MRC2: variants seen among roughly 807,000 people sequenced by gnomAD.
The protein encoded by MRC2 is mannose receptor C-type 2.
In MRC2, 84 loss-of-function variants were observed where a neutral mutation model predicts 206.2. The ratio of observed to expected loss-of-function variants is 0.41; its 90% CI spans 0.34 to 0.49. MRC2 has a LOEUF of 0.49. Among genes scored for constraint, MRC2 ranks in the 20% least tolerant of loss-of-function variants. The pLI is 0.31. For missense variants in MRC2, 1,676 were observed against 2,001.5 expected (o/e 0.84, Z 3.10); for synonymous variants, 798 against 800.0 (o/e 1.00, Z 0.04).
intron 18 of MRC2, 34 bp from the exon 19 acceptor site, chr17:62,681,803 G>T (rs749137051): frequency 3.9e-6 from 6 of 1,548,786 alleles, no homozygotes; most frequent in Non-Finnish European, 5.3e-6. Context: ...CTGGGGGCCG[G>T]TGCTGGAGTT....
At chr17:62,634,933 C>T (rs1361209398) in intron 1 of MRC2, among the ~76,000 whole-genome samples, 3 of 151,550 alleles carry the variant, frequency 2.0e-5, no homozygotes, top group African/African-American at 4.8e-5. Context: ...CGAGTTCAGG[C>T]GATTCTCTTG....
intron 26 of MRC2, 61 bp from the exon 27 acceptor site, chr17:62,690,581 T>TGGG: frequency 8.4e-6 from 12 of 1,436,840 alleles, no homozygotes; most frequent in Non-Finnish European, 1.1e-5. Context: ...GGAGCAGCTC[T>TGGG]GGGGGACTCT....
intron 8 of MRC2, among the ~76,000 whole-genome samples, chr17:62,673,507 C>CTT (rs55974246): frequency 5.8e-5 from 7 of 119,702 alleles, no homozygotes; most frequent in Admixed American, 8.5e-5. Flanking sequence ...GACGCCTTTC[C>CTT]TTTTTTTTTT....
At chr17:62,690,618 GA>G in intron 26 of MRC2, 23 bp from the exon 27 acceptor site, 1 of 1,582,686 alleles carries the variant, frequency 6.3e-7, no homozygotes, top group Non-Finnish European at 8.6e-7. Flanking sequence ...CATCCGCCCT[GA>G]CGTGGGCCTT....
intron 1 of MRC2, among the ~76,000 whole-genome samples, chr17:62,655,721 TAAAAAAAA>T (rs71155946): frequency 4.0e-5 from 5 of 126,170 alleles, no homozygotes; most frequent in Non-Finnish European, 6.6e-5. Context: ...TCTGTCTCTT[TAAAAAAAA>T]AAAAAAAAAG....
In MRC2 at chr17:62,680,125, C is replaced by T; in HGVS notation, c.2299-45C>T. On this transcript the variant is annotated intron_variant, in intron 14 of 29. Coordinates refer to ENST00000303375, the MANE Select transcript of MRC2 (RefSeq NM_006039.5). This position sits in a 1 kb window ranked among gnomAD's most constrained non-coding sequence, Gnocchi z 4.8. ...CTGTTCCGGGCATGGGGGCGGCCTG[C>T]ACCTTGCGCCTCACGTTCCTCTTCC... The T allele has an allele frequency of 6.2e-7, 1 of 1,612,086 alleles. No individual in the cohort carries two copies. Among genetic ancestry groups the T allele is most frequent in the Non-Finnish European group, 8.5e-7 (1 of 1,178,974 alleles).
intron 1 of MRC2, among the ~76,000 whole-genome samples, chr17:62,636,503 C>G (rs1345941853): frequency 1.6e-5 from 2 of 124,720 alleles, no homozygotes; most frequent in Non-Finnish European, 3.1e-5. Context: ...GAGTCTCGCT[C>G]TGTCGCCCAG....
chr17:62,692,133 C>T lies in MRC2; in HGVS notation c.4214C>T (p.Pro1405Leu), dbSNP rs1335991622. 5 of 1,614,108 alleles carry T rather than the reference C, an allele frequency of 3.1e-6. No individual in the cohort carries two copies. Among genetic ancestry groups the T allele is most frequent in the Non-Finnish European group, 4.2e-6 (5 of 1,180,058 alleles). Residue 1405 changes from proline to leucine, a missense_variant, in exon 29 of 30, where the codon CCA becomes CTA. This residue lies in a region of MRC2 where 1,354 missense variants were observed against 1,636.6 expected (regional missense o/e 0.83). Transcript: ENST00000303375. The surrounding 1 kb of genome is among the most constrained non-coding windows in gnomAD (Gnocchi z 4.2). Reference sequence around the variant, plus strand: ...ACAGCTGAGCAGAGCAGCTTCTCCCCATCAGGTGAGTGAAAGGCAATGCCC... The same window carrying T: ...ACAGCTGAGCAGAGCAGCTTCTCCCTATCAGGTGAGTGAAAGGCAATGCCC... ...LPRAEQSSFS[P>L]SALPENPAAL...
chr17:62,679,845 C>T lies in MRC2; in HGVS notation c.2241C>T (p.Gly747=), dbSNP rs754379795. ...ACGAGCAGCACTGGTTCTGGATCGGCCTGAACCGTCGGGATCCCAGAGGGG... is the reference window on the plus strand; with the variant it reads ...ACGAGCAGCACTGGTTCTGGATCGGTCTGAACCGTCGGGATCCCAGAGGGG... The part of the protein sequence containing the change: ...EIHEQHWFWI[G]LNRRDPRGGQ... The change falls in exon 14 of 30, where the codon GGC becomes GGT. Residue 747 remains glycine (G), a synonymous_variant. Coordinates refer to ENST00000303375, the MANE Select transcript of MRC2 (RefSeq NM_006039.5). The T allele has an allele frequency of 1.2e-6, 2 of 1,613,996 alleles. No individual in the cohort carries two copies. The highest frequency in any genetic ancestry group is 2.7e-5 in the African/African-American group (2 of 75,058).
Position 62,675,838 on chromosome 17 carries a change from G to A in MRC2, c.1618G>A (p.Val540Met). 2.5e-6 allele frequency: 4 copies of A among 1,614,178 alleles called. No homozygotes were observed. Among genetic ancestry groups the A allele is most frequent in the Non-Finnish European group, 3.4e-6 (4 of 1,180,018 alleles). Residue 540 changes from valine (V) to methionine (M), a missense_variant, in exon 10 of 30, where the codon GTG (valine) becomes ATG (methionine). Val to Met is a conservative substitution (Grantham distance 21). This residue lies in a region of MRC2 where 1,354 missense variants were observed against 1,636.6 expected (regional missense o/e 0.83). Coordinates refer to ENST00000303375, the MANE Select transcript of MRC2 (RefSeq NM_006039.5). The surrounding 1 kb of genome is among the most constrained non-coding windows in gnomAD (Gnocchi z 4.1). ...CTGCTACTGGCTGGGAGAAGACCAA[G>A]TGACCTACAGTGAGGCCCGGCGCCT... ...PSCYWLGEDQ[V>M]TYSEARRLCT...
Position 62,635,500 on chromosome 17 carries a change from G to A in MRC2, c.118+7580G>A, listed in dbSNP as rs552885704. Among the ~76,000 whole-genome samples, 7 of 152,216 alleles carry A rather than the reference G, an allele frequency of 4.6e-5. No individual in the cohort carries two copies. The South Asian group carries it at 1.5e-3, about 32-fold the overall frequency. On this transcript the variant is annotated intron_variant, in intron 1 of 29. Transcript: ENST00000303375. ...CAGACTAGGGAACACTGGGATGGTT[G>A]GGCATACCTCTCCCCTTTTTGCCTC... is the stretch of plus-strand genomic sequence containing the variant.
rs142340998 is a variant in MRC2 at position 62,664,914 on chromosome 17, G to T, written c.485G>T (p.Gly162Val). The T allele has an allele frequency of 3.8e-5, 61 of 1,611,902 alleles. No homozygotes were observed. The highest frequency in any genetic ancestry group is 4.7e-5 in the Non-Finnish European group (56 of 1,179,844). The stretch of plus-strand genomic sequence containing the variant: ...CGCAGTGGCCAGTGGCGCATCTACG[G>T]CAGCGAGGAGGACCTATGTGCTCTG... ...QTRSGQWRIYGSEEDLCALPY... is the reference protein window; with the variant it reads ...QTRSGQWRIYVSEEDLCALPY... The change falls in exon 2 of 30, where the codon GGC (glycine) becomes GTC (valine). Residue 162 changes from glycine to valine, a missense_variant. By Grantham distance (109) the Gly-to-Val change is moderately radical (BLOSUM62 -3). Coordinates refer to ENST00000303375, the MANE Select transcript of MRC2 (RefSeq NM_006039.5). This position sits in a 1 kb window ranked among gnomAD's most constrained non-coding sequence, Gnocchi z 4.7.
intron 18 of MRC2, 47 bp from the exon 19 acceptor site, chr17:62,681,790 C>A: frequency 6.7e-7 from 1 of 1,491,540 alleles, no homozygotes; most frequent in South Asian, 1.2e-5. Context: ...GGTGGAGGCC[C>A]AGCTGGGGGC....
intron 1 of MRC2, 72 bp downstream of exon 1, chr17:62,627,992 CT>C: frequency 2.2e-6 from 2 of 926,136 alleles, no homozygotes; most frequent in Non-Finnish European, 3.0e-6. Context: ...CCGCTCTCGA[CT>C]TTTCCCTCCT....
chr17:62,645,921 A>G (rs2088478332), intron 1 of MRC2, among the ~76,000 whole-genome samples: 1 of 151,406 alleles, frequency 6.6e-6, no homozygotes, highest in Non-Finnish European at 1.5e-5. Context: ...TCATCAATGT[A>G]TTTCTGCCCA....
intron 8 of MRC2, 73 bp from the exon 9 acceptor site, chr17:62,673,990 C>T: frequency 4.1e-6 from 5 of 1,216,324 alleles, no homozygotes; most frequent in South Asian, 4.0e-5. Flanking sequence ...CTCTAGGAAC[C>T]AGATTCCAAG....
intron 1 of MRC2, among the ~76,000 whole-genome samples, chr17:62,630,860 G>A (rs981573823): frequency 7.9e-5 from 12 of 152,098 alleles, no homozygotes; most frequent in African/African-American, 2.4e-4. Flanking sequence ...CTGCTGAGTC[G>A]TGGGGTTCGG....
rs1484031060 is a variant in MRC2 at position 62,672,213 on chromosome 17, C to A, written c.1461+61C>A. On this transcript the variant is annotated intron_variant, in intron 8 of 29. Transcript: ENST00000303375. The surrounding 1 kb of genome is among the most constrained non-coding windows in gnomAD (Gnocchi z 4.5). ...ATACACCCCCAACCTCCAGGTGCCA[C>A]CCCAGCTGAAGGACATCCTAGTTAC... is the stretch of plus-strand genomic sequence containing the variant. 3.1e-6 allele frequency: 5 copies of A among 1,595,158 alleles called. No homozygotes were observed. In the African/African-American group the frequency reaches 4.0e-5, roughly 13 times the overall value.
rs544382467 is a variant in MRC2, at chr17:62,690,326, C to T, written c.3892+21C>T. 66 of 1,590,212 alleles carry T rather than the reference C, an allele frequency of 4.2e-5. 1 individual carries two copies. The South Asian group carries it at 7.0e-4, about 17-fold the overall frequency. ...GAGAGGTGGGTGACCAGGCCAGAGCCCACACATGGCGGGCAGGTGGCACCT... is the reference window on the plus strand; with the variant it reads ...GAGAGGTGGGTGACCAGGCCAGAGCTCACACATGGCGGGCAGGTGGCACCT... On this transcript the variant is annotated intron_variant, in intron 26 of 29. Transcript: ENST00000303375.
Sources: allele counts gnomAD v4.1 joint callset (sites outside exome capture counted in the v4.1 genomes callset), GRCh38; gene constraint gnomAD v4.1.1; regional missense constraint gnomAD v4.1.1; non-coding constraint Gnocchi (gnomAD v3.1); transcripts MANE v1.5; gene names NCBI Gene and HGNC (gene_info 2026-07-23, HGNC 2026-07-21).